The following ETS1 variants were observed in gnomAD, a reference collection of about 807,000 sequenced individuals.
ETS1 encodes protein C-ets-1.
A neutral mutation model predicts 58.6 loss-of-function variants in ETS1; 15 were observed. That is an observed-to-expected ratio of 0.26 (90% CI 0.17 to 0.39). The LOEUF is 0.39. ETS1 is among the 10% of genes least tolerant of loss of function. The pLI is 1.00. For synonymous variants in ETS1, 214 were observed against 218.2 expected (o/e 0.98, Z 0.17); for missense variants, 417 against 610.5 (o/e 0.68, Z 3.34).
intron 8 of ETS1, among the ~76,000 whole-genome samples, chr11:128,478,397 G>C (rs1862388919): frequency 9.7e-6 from 1 of 102,878 alleles, no homozygotes. Context: ...GGGAGGGAGG[G>C]AGGAAGGGAG....
intron 8 of ETS1, among the ~76,000 whole-genome samples, chr11:128,469,419 T>G (rs1178779947): frequency 6.6e-6 from 1 of 152,110 alleles, no homozygotes; most frequent in South Asian, 2.1e-4. Context: ...AAACAGAACA[T>G]TCGAATCCAG....
rs368169790 is a variant in ETS1 at position 128,531,372 on chromosome 11, C to G, written c.214+24919G>C. 2.2e-4 allele frequency among the ~76,000 whole-genome samples: 33 copies of G among 152,288 alleles called. 1 individual carries two copies. Among genetic ancestry groups the G allele is most frequent in the African/African-American group, 7.7e-4 (32 of 41,546 alleles). On this transcript the variant is annotated intron_variant, in intron 3 of 9. Coordinates refer to ENST00000392668, the MANE Select transcript of ETS1 (RefSeq NM_001143820.2). ...ATGATGCAGAATGAAGACTCAGTAA[C>G]CCTTCACTGCTATTATTGATTTTAA... is the stretch of plus-strand genomic sequence containing the variant.
chr11:128,481,410 A>G (rs978064576), intron 7 of ETS1, among the ~76,000 whole-genome samples: 1 of 137,456 alleles, frequency 7.3e-6, no homozygotes, highest in South Asian at 2.4e-4. Context: ...AAATGCCACT[A>G]AAAAGGAGGC....
chr11:128,466,403 G>A (rs1565364799), intron 8 of ETS1, among the ~76,000 whole-genome samples: 1 of 152,176 alleles, frequency 6.6e-6, no homozygotes, highest in African/African-American at 2.4e-5. Flanking sequence ...GGAGAACAGG[G>A]CCCAGGAGCA....
At chr11:128,531,580 C>A (rs1296110943) in intron 3 of ETS1, among the ~76,000 whole-genome samples, 1 of 152,132 alleles carries the variant, frequency 6.6e-6, no homozygotes, top group Non-Finnish European at 1.5e-5. Context: ...TCATGCAAAT[C>A]CTTGACACCA....
At chr11:128,575,891 GCCACATCCT>G (rs2135586167) in intron 1 of ETS1, among the ~76,000 whole-genome samples, 2 of 152,312 alleles carry the variant, frequency 1.3e-5, no homozygotes, top group East Asian at 3.9e-4. Flanking sequence ...GGAATTGGCA[GCCACATCCT>G]GAAGCCCACC....
At chr11:128,478,403 G>A (rs909480596) in intron 8 of ETS1, among the ~76,000 whole-genome samples, 3 of 113,016 alleles carry the variant, frequency 2.7e-5, no homozygotes, top group African/African-American at 1.1e-4. Flanking sequence ...GAGGGAGGAA[G>A]GGAGGGAGGG....
chr11:128,499,036 C>T (rs1270427526), intron 3 of ETS1, among the ~76,000 whole-genome samples: 3 of 152,172 alleles, frequency 2.0e-5, no homozygotes, highest in Non-Finnish European at 2.9e-5. Flanking sequence ...TTGCAGAGAA[C>T]CACATTGCAT....
At chr11:128,471,927 C>CA (rs1862198208) in intron 8 of ETS1, among the ~76,000 whole-genome samples, 1 of 152,182 alleles carries the variant, frequency 6.6e-6, no homozygotes, top group Non-Finnish European at 1.5e-5. Context: ...TGAGAGAAAT[C>CA]ACTAGTTAGG....
At chr11:128,566,782 CA>C (rs1160160715) in intron 2 of ETS1, among the ~76,000 whole-genome samples, 2,411 of 102,704 alleles carry the variant, frequency 0.023, 65 homozygotes, top group African/African-American at 0.072. Context: ...GACACCGTCT[CA>C]AAAAAAAAAA....
chr11:128,544,625 G>A (rs1463504667), intron 3 of ETS1, among the ~76,000 whole-genome samples: 2 of 151,564 alleles, frequency 1.3e-5, no homozygotes, highest in African/African-American at 4.9e-5. Context: ...TAAAGAATTC[G>A]CACACAAATA....
intron 2 of ETS1, among the ~76,000 whole-genome samples, chr11:128,557,432 T>A (rs1236743602): frequency 6.6e-6 from 1 of 152,222 alleles, no homozygotes; most frequent in Non-Finnish European, 1.5e-5. Flanking sequence ...CAAATTAAAA[T>A]ATAAAATTGC....
At chr11:128,482,549 C>A (rs758138238) in intron 7 of ETS1, among the ~76,000 whole-genome samples, 29 of 152,154 alleles carry the variant, frequency 1.9e-4, no homozygotes, top group Non-Finnish European at 3.8e-4. Context: ...CTAAACCAAG[C>A]CAGAACCAGT....
intron 3 of ETS1, among the ~76,000 whole-genome samples, chr11:128,542,476 T>G (rs1354162069): frequency 6.6e-6 from 1 of 152,168 alleles, no homozygotes; most frequent in Non-Finnish European, 1.5e-5. Flanking sequence ...AGTCAGGAAT[T>G]TCTTTCTTAC....
At chr11:128,504,627 C>T (rs760708991) in intron 3 of ETS1, among the ~76,000 whole-genome samples, 3 of 152,188 alleles carry the variant, frequency 2.0e-5, no homozygotes, top group African/African-American at 4.8e-5. Context: ...TAAAATGAAG[C>T]TCAAGGTGAC....
At chr11:128,578,167 G>A (rs1326768794) in intron 1 of ETS1, among the ~76,000 whole-genome samples, 1 of 152,158 alleles carries the variant, frequency 6.6e-6, no homozygotes, top group African/African-American at 2.4e-5. Context: ...ACCCGGCCAG[G>A]ACCTGTAGGC....
At chr11:128,583,080 C>A (rs1056835781) in intron 1 of ETS1, among the ~76,000 whole-genome samples, 2 of 152,202 alleles carry the variant, frequency 1.3e-5, no homozygotes, top group Admixed American at 6.5e-5. Context: ...GGTCTGAGGT[C>A]TGGCCAGACA....
At chr11:128,543,593 T>C (rs1338138390) in intron 3 of ETS1, among the ~76,000 whole-genome samples, 1 of 152,206 alleles carries the variant, frequency 6.6e-6, no homozygotes, top group Non-Finnish European at 1.5e-5. Flanking sequence ...TTTGTCTCTC[T>C]CACTGCAGCA....
At chr11:128,527,697 C>A (rs146724642) in intron 3 of ETS1, among the ~76,000 whole-genome samples, 1 of 152,226 alleles carries the variant, frequency 6.6e-6, no homozygotes, top group Non-Finnish European at 1.5e-5. Context: ...CTCCTAGAAG[C>A]TCTGCATCCC....
Sources: gnomAD v4.1 joint callset for allele counts (sites outside exome capture counted in the v4.1 genomes callset) on GRCh38, gnomAD v4.1.1 for gene constraint, MANE v1.5 for transcripts, NCBI Gene and HGNC (gene_info 2026-07-23, HGNC 2026-07-21) for gene names.